Variants in IGFBPL1 observed in about 807,000 individuals in gnomAD.
IGFBPL1 encodes the protein insulin-like growth factor-binding protein-like 1.
Under a neutral mutation model 23.9 loss-of-function variants are expected in IGFBPL1, and 20 were observed. That is an observed-to-expected ratio of 0.84 (90% confidence interval 0.59 to 1.22). IGFBPL1 has a LOEUF of 1.22. Among genes scored for constraint, IGFBPL1 ranks in the 50% most tolerant of loss-of-function variants. The pLI, the probability that IGFBPL1 is intolerant of heterozygous loss-of-function variation, is 0.00. For missense variants in IGFBPL1, 436 were observed against 379.3 expected (o/e 1.15, Z -1.24); for synonymous variants, 184 against 171.8 (o/e 1.07, Z -0.56).
intron 1 of IGFBPL1, among the ~76,000 whole-genome samples, chr9:38,414,858 G>A (rs1821576489): frequency 6.6e-6 from 1 of 152,186 alleles, no homozygotes; most frequent in Non-Finnish European, 1.5e-5. Flanking sequence ...ACGGAGAGGA[G>A]AGGGAGGGTA....
rs1206287562 is a variant in IGFBPL1, at chr9:38,407,904, AT to A, written c.*1322del. Among the ~76,000 whole-genome samples the A allele has an allele frequency of 1.3e-5, 2 of 152,048 alleles. No homozygotes were observed. The highest frequency in any genetic ancestry group is 2.9e-5 in the Non-Finnish European group (2 of 68,012). ...TAAAATTGTAATCACCTAAGGATCT[AT>A]TTTTTTAAGATAAGATAGCAAATAT... On this transcript the variant is annotated 3_prime_UTR_variant, in exon 5 of 5. Coordinates refer to ENST00000377694, the MANE Select transcript of IGFBPL1 (RefSeq NM_001007563.3).
intron 1 of IGFBPL1, among the ~76,000 whole-genome samples, chr9:38,421,148 G>A (rs1340788936): frequency 6.6e-6 from 1 of 151,706 alleles, no homozygotes; most frequent in Non-Finnish European, 1.5e-5. Context: ...CTAAAAATCA[G>A]CTGGGCATGA....
At chr9:38,415,588 C>T (rs572549113) in intron 1 of IGFBPL1, among the ~76,000 whole-genome samples, 1 of 152,334 alleles carries the variant, frequency 6.6e-6, no homozygotes, top group South Asian at 2.1e-4. Flanking sequence ...ACTAGAGAGG[C>T]TCTTTAGCAT....
chr9:38,411,572 T>G, intron 3 of IGFBPL1, 23 bp from the exon 4 acceptor site: 6 of 1,607,692 alleles, frequency 3.7e-6, no homozygotes, highest in Admixed American at 1.7e-5. Flanking sequence ...CAGGCAAGTT[T>G]ATACAGTTAT....
Position 38,414,147 on chromosome 9 carries a change from C to T in IGFBPL1, c.517G>A (p.Gly173Ser), listed in dbSNP as rs370633804. The T allele has an allele frequency of 6.2e-7, 1 of 1,612,424 alleles. No individual in the cohort carries two copies. The highest frequency in any genetic ancestry group is 1.3e-5 in the African/African-American group (1 of 74,656). ...ACAGCCCTCACTTCACAGGACAGGC[C>T]CACCTGCGCCCCGGTGACGTTGTGA... Reference protein sequence around the residue: ...SVHNVTGAQVGLSCEVRAVPT... With the variant: ...SVHNVTGAQVSLSCEVRAVPT... The change falls in exon 2 of 5, where the codon GGC becomes AGC. Residue 173 changes from glycine to serine, a missense_variant. Gly to Ser is a moderately conservative substitution (Grantham distance 56). Transcript: ENST00000377694.
chr9:38,412,708 A>G (rs1205732299), intron 3 of IGFBPL1, among the ~76,000 whole-genome samples: 1 of 152,172 alleles, frequency 6.6e-6, no homozygotes, highest in Non-Finnish European at 1.5e-5. Context: ...TTCTTTCTGA[A>G]GGCTCTCAGG....
intron 1 of IGFBPL1, among the ~76,000 whole-genome samples, chr9:38,416,449 C>T (rs1019573390): frequency 2.6e-5 from 4 of 152,226 alleles, no homozygotes; most frequent in Non-Finnish European, 4.4e-5. Flanking sequence ...AGAAGCCCTG[C>T]TTTTTAAAGG....
At position 38,409,328 on chromosome 9, in the gene IGFBPL1, C is replaced by T. The variant is rs1821478189; in HGVS notation, c.*10-111G>A. 2.0e-5 allele frequency: 3 copies of T among 152,344 alleles called. No individual in the cohort carries two copies. In the South Asian group the frequency reaches 6.2e-4, roughly 32 times the overall value. 9.4% of individuals were successfully genotyped at this position (152,344 alleles called of 1,614,324 possible). A position where few individuals can be genotyped will look rare whatever the true frequency, so the allele number is the denominator to read the frequency against. On this transcript the variant is annotated intron_variant, in intron 4 of 4. Transcript: ENST00000377694. ...TGATCCTTCACTTCGAATCTCTCCC[C>T]AGCAGGAAATGGTGCCAGTGGAGAG... is the stretch of plus-strand genomic sequence containing the variant.
rs200487403 is a variant in IGFBPL1 at position 38,416,414 on chromosome 9, C to CA, written c.461-2212dup. Among the ~76,000 whole-genome samples the CA allele has an allele frequency of 3.9e-3, 588 of 152,120 alleles. 1 individual carries two copies. The highest frequency in any genetic ancestry group is 0.013 in the African/African-American group (542 of 41,500). On this transcript the variant is annotated intron_variant, in intron 1 of 4. Transcript: ENST00000377694. ...ACTGACTTTGTAACTGATTTTGTGG[C>CA]AAAAAATACAAATTCCTTTACAAAA...
At chr9:38,411,292 AT>A in intron 4 of IGFBPL1, 98 bp downstream of exon 4, 1 of 1,041,334 alleles carries the variant, frequency 9.6e-7, no homozygotes, top group Non-Finnish European at 1.4e-6. Flanking sequence ...GGTTTCCTCC[AT>A]TTACGTATTT....
rs1224829209 is a variant in IGFBPL1 at position 38,407,241 on chromosome 9, T to C, written c.*1986A>G. On this transcript the variant is annotated 3_prime_UTR_variant, in exon 5 of 5. Coordinates refer to ENST00000377694, the MANE Select transcript of IGFBPL1 (RefSeq NM_001007563.3). The stretch of plus-strand genomic sequence containing the variant: ...TGCCATCCATTTCAATTCTCATCTT[T>C]TGTTTTCAAAGAGAGCTTCCAGTGT... 6.6e-6 allele frequency among the ~76,000 whole-genome samples: 1 copy of C among 152,248 alleles called. No homozygotes were observed. Among genetic ancestry groups the C allele is most frequent in the Non-Finnish European group, 1.5e-5 (1 of 68,036 alleles).
At chr9:38,410,866 C>G (rs985897355) in intron 4 of IGFBPL1, among the ~76,000 whole-genome samples, 6 of 152,212 alleles carry the variant, frequency 3.9e-5, no homozygotes, top group Non-Finnish European at 8.8e-5. Flanking sequence ...AGAGGGGATG[C>G]AGAGATTCTC....
chr9:38,409,936 C>A (rs1195365641), intron 4 of IGFBPL1, among the ~76,000 whole-genome samples: 2 of 152,120 alleles, frequency 1.3e-5, no homozygotes, highest in Non-Finnish European at 2.9e-5. Flanking sequence ...TCCCTTACAT[C>A]GCACTCCTTG....
chr9:38,416,464 T>C (rs1821600216), intron 1 of IGFBPL1, among the ~76,000 whole-genome samples: 1 of 152,210 alleles, frequency 6.6e-6, no homozygotes. Flanking sequence ...TAAAGGGACG[T>C]CAAAGCACAT....
At chr9:38,409,591 A>T (rs144233509) in intron 4 of IGFBPL1, among the ~76,000 whole-genome samples, 32 of 152,340 alleles carry the variant, frequency 2.1e-4, no homozygotes, top group African/African-American at 7.7e-4. Flanking sequence ...ACAATTTTTC[A>T]TGGTATCCTT....
chr9:38,412,011 C>T (rs555557209), intron 3 of IGFBPL1, among the ~76,000 whole-genome samples: 7 of 152,106 alleles, frequency 4.6e-5, no homozygotes, highest in South Asian at 2.1e-4. Context: ...TTGAAAAAAC[C>T]GCACAGCCAA....
intron 1 of IGFBPL1, among the ~76,000 whole-genome samples, chr9:38,415,943 G>A (rs537640283): frequency 6.6e-6 from 1 of 152,234 alleles, no homozygotes; most frequent in East Asian, 1.9e-4. Flanking sequence ...CTGAAGGGTG[G>A]TGCCCAACCC....
chr9:38,421,284 C>CAA (rs35342818), intron 1 of IGFBPL1, among the ~76,000 whole-genome samples: 2,151 of 91,252 alleles, frequency 0.024, 58 homozygotes, highest in Non-Finnish European at 0.033. Flanking sequence ...GACCCTGTCT[C>CAA]AAAAAAAAAA....
At chr9:38,413,203 C>A in intron 3 of IGFBPL1, 34 bp downstream of exon 3, 1 of 1,271,322 alleles carries the variant, frequency 7.9e-7, no homozygotes, top group South Asian at 1.2e-5. Flanking sequence ...TTATAATGGT[C>A]AGTCAATAAT....
Sources: allele counts gnomAD v4.1 joint callset (sites outside exome capture counted in the v4.1 genomes callset), GRCh38; gene constraint gnomAD v4.1.1; transcripts MANE v1.5; gene names NCBI Gene and HGNC (gene_info 2026-07-23, HGNC 2026-07-21).